DLGAP4: variants seen among roughly 807,000 people sequenced by gnomAD.
DLGAP4 encodes disks large-associated protein 4.
Under a neutral mutation model 86.9 loss-of-function variants are expected in DLGAP4, and 18 were observed. The observed-to-expected ratio is 0.21, with a 90% CI of 0.14 to 0.31. The LOEUF is 0.31. Ranked by LOEUF, DLGAP4 falls within the 10% of genes least tolerant of loss-of-function variation. The pLI is 1.00. For synonymous variants in DLGAP4, 548 were observed against 574.3 expected, an observed-to-expected ratio of 0.95 and a Z score of 0.65; for missense variants, 1,085 against 1,362.6, an observed-to-expected ratio of 0.80 and a Z score of 3.21.
intron 7 of DLGAP4, among the ~76,000 whole-genome samples, chr20:36,494,572 C>T (rs2035800817): frequency 6.6e-6 from 1 of 152,154 alleles, no homozygotes. Context: ...CAGATACAAT[C>T]CACCCATCTT....
chr20:36,420,011 T>G, intron 2 of DLGAP4, among the ~76,000 whole-genome samples: 1 of 39,158 alleles, frequency 2.6e-5, no homozygotes, highest in South Asian at 2.0e-3. Flanking sequence ...TTAAATGAGC[T>G]CACATAATGT....
At chr20:36,307,191 TG>T (rs374632426) in intron 1 of DLGAP4, among the ~76,000 whole-genome samples, 1 of 151,992 alleles carries the variant, frequency 6.6e-6, no homozygotes, top group South Asian at 2.1e-4. Flanking sequence ...GCACCTGGGC[TG>T]GGGGGGCACT....
chr20:36,323,752 G>A (rs751509190), intron 1 of DLGAP4, among the ~76,000 whole-genome samples: 26 of 152,342 alleles, frequency 1.7e-4, no homozygotes, highest in Non-Finnish European at 3.2e-4. Flanking sequence ...TTTCACCTCA[G>A]ATCATCAGGC....
chr20:36,525,169 G>GAT (rs896873322), intron 11 of DLGAP4, among the ~76,000 whole-genome samples: 11 of 129,728 alleles, frequency 8.5e-5, no homozygotes, highest in Admixed American at 7.4e-4. Context: ...AGTGAGCCGA[G>GAT]ATCGCGTCAC....
chr20:36,464,035 T>C (rs1287650290), intron 7 of DLGAP4, among the ~76,000 whole-genome samples: 2 of 152,174 alleles, frequency 1.3e-5, no homozygotes, highest in Non-Finnish European at 2.9e-5. Flanking sequence ...TGACAATCTC[T>C]AACATCCTTT....
chr20:36,355,859 T>C lies in DLGAP4; in HGVS notation c.-303-11186T>C, dbSNP rs140307265. On this transcript the variant is annotated intron_variant, in intron 1 of 12. Transcript: ENST00000339266. Reference sequence around the variant, plus strand: ...CCATCCCACCAGACCTTGATTCCTGTTGAGGAGCCACACAGCTGTAGGGAA... The same window carrying C: ...CCATCCCACCAGACCTTGATTCCTGCTGAGGAGCCACACAGCTGTAGGGAA... Among the ~76,000 whole-genome samples the C allele has an allele frequency of 2.0e-3, 307 of 152,338 alleles. 1 individual carries two copies. Among genetic ancestry groups the C allele is most frequent in the African/African-American group, 7.0e-3 (293 of 41,580 alleles).
chr20:36,461,673 G>GC, intron 7 of DLGAP4: 2 of 72,590 alleles, frequency 2.8e-5, no homozygotes, highest in Non-Finnish European at 4.3e-5. Context: ...GCCCGGCCCG[G>GC]CCCGGCCCTG....
In DLGAP4 at chr20:36,393,795, G is replaced by A. The variant is rs1046262509; in HGVS notation, c.-73+26520G>A. On this transcript the variant is annotated intron_variant, in intron 2 of 12. Coordinates refer to ENST00000339266, the MANE Select transcript of DLGAP4 (RefSeq NM_001365621.2). This position sits in a 1 kb window ranked among gnomAD's most constrained non-coding sequence, Gnocchi z 4.4. ...CTTCATTGTTCAGATGAGGAACTGA[G>A]GCTCAGAGAGGGAGGTGACCTGCCC... 1.3e-5 allele frequency among the ~76,000 whole-genome samples: 2 copies of A among 152,188 alleles called. No individual in the cohort carries two copies. The highest frequency in any genetic ancestry group is 4.8e-5 in the African/African-American group (2 of 41,438).
chr20:36,317,228 TTTC>T (rs2065110403), intron 1 of DLGAP4, among the ~76,000 whole-genome samples: 1 of 20,698 alleles, frequency 4.8e-5, no homozygotes, highest in Non-Finnish European at 8.9e-5. Flanking sequence ...TCCTTTTTTC[TTTC>T]TTTCTTTCTT....
intron 1 of DLGAP4, among the ~76,000 whole-genome samples, chr20:36,366,117 GTT>G (rs1439996084): frequency 6.6e-6 from 1 of 152,080 alleles, no homozygotes; most frequent in Admixed American, 6.6e-5. Context: ...TGGGTTTTTT[GTT>G]TTTGGTTTTG....
chr20:36,322,248 G>T (rs2065175675), intron 1 of DLGAP4, among the ~76,000 whole-genome samples: 2 of 152,202 alleles, frequency 1.3e-5, no homozygotes, highest in African/African-American at 2.4e-5. Context: ...GAGGAAGGTG[G>T]GGTTTTCAGG....
intron 11 of DLGAP4, among the ~76,000 whole-genome samples, chr20:36,525,125 G>A (rs1394436049): frequency 6.8e-6 from 1 of 147,684 alleles, no homozygotes; most frequent in African/African-American, 2.5e-5. Flanking sequence ...GGCTGAGGCA[G>A]GAGAATGGTG....
At chr20:36,488,924 C>G (rs891071546) in intron 7 of DLGAP4, among the ~76,000 whole-genome samples, 1 of 152,192 alleles carries the variant, frequency 6.6e-6, no homozygotes, top group African/African-American at 2.4e-5. Context: ...AACTCATGGC[C>G]AGCAGCACTA....
intron 10 of DLGAP4, among the ~76,000 whole-genome samples, chr20:36,516,668 GAA>G (rs747235286): frequency 1.2e-4 from 9 of 77,070 alleles, no homozygotes; most frequent in African/African-American, 9.9e-5. Context: ...TCCGTCTCAG[GAA>G]AAAAAAAAAA....
intron 7 of DLGAP4, among the ~76,000 whole-genome samples, chr20:36,477,878 C>T (rs555969173): frequency 3.9e-5 from 6 of 152,302 alleles, no homozygotes; most frequent in Admixed American, 1.3e-4. Flanking sequence ...CAAGGTCATA[C>T]GGCACTTCAC....
intron 11 of DLGAP4, among the ~76,000 whole-genome samples, chr20:36,525,326 C>T (rs2037679721): frequency 1.3e-5 from 2 of 148,524 alleles, no homozygotes; most frequent in African/African-American, 4.9e-5. Flanking sequence ...AGGGCTGGCC[C>T]TGCCAGGGTC....
intron 2 of DLGAP4, among the ~76,000 whole-genome samples, chr20:36,404,935 G>A (rs1328949586): frequency 2.0e-5 from 3 of 152,344 alleles, no homozygotes; most frequent in South Asian, 2.1e-4. Flanking sequence ...GCGGTCGAGG[G>A]GGTAGTTGAG....
chr20:36,335,022 G>C (rs1405895239), intron 1 of DLGAP4, among the ~76,000 whole-genome samples: 1 of 152,142 alleles, frequency 6.6e-6, no homozygotes, highest in Non-Finnish European at 1.5e-5. Context: ...TATTATTGCT[G>C]TTAATGGTTT....
intron 7 of DLGAP4, among the ~76,000 whole-genome samples, chr20:36,452,902 G>A (rs1337727031): frequency 1.1e-4 from 15 of 134,806 alleles, no homozygotes; most frequent in East Asian, 4.4e-4. Flanking sequence ...GCATGATCTC[G>A]GCTCACTGCA....
Sources: gnomAD v4.1 joint callset for allele counts (sites outside exome capture counted in the v4.1 genomes callset) on GRCh38, gnomAD v4.1.1 for gene constraint, Gnocchi (gnomAD v3.1) non-coding constraint, MANE v1.5 for transcripts, NCBI Gene and HGNC (gene_info 2026-07-23, HGNC 2026-07-21) for gene names.